The following AK8 variants were observed in gnomAD, a reference collection of about 807,000 sequenced individuals.
The protein encoded by AK8 is ATP-AMP transphosphorylase 8.
In AK8, 44 loss-of-function variants were observed where a neutral mutation model predicts 54.6. The observed-to-expected ratio is 0.81, with a 90% CI of 0.63 to 1.04. The LOEUF is 1.04. Among genes scored for constraint, AK8 ranks in the 50% least tolerant of loss-of-function variants. The pLI is 0.00. For missense variants in AK8, 555 were observed against 613.6 expected (o/e 0.90, Z 1.01); for synonymous variants, 239 against 245.6 (o/e 0.97, Z 0.25).
At chr9:132,847,645 G>T (rs903113337) in intron 5 of AK8, among the ~76,000 whole-genome samples, 2 of 152,126 alleles carry the variant, frequency 1.3e-5, no homozygotes, top group East Asian at 3.8e-4. Flanking sequence ...CAAATTTGAT[G>T]AGTAGCTATC....
chr9:132,747,471 G>A (rs1329600966), intron 11 of AK8, among the ~76,000 whole-genome samples: 7 of 139,352 alleles, frequency 5.0e-5, no homozygotes, highest in Admixed American at 7.2e-5. Context: ...TTTCTGAGAT[G>A]GAGTCTGGTT....
rs529730405 is a variant in AK8 at position 132,792,787 on chromosome 9, G to C, written c.980-12C>G. On this transcript the variant is annotated splice_polypyrimidine_tract_variant and intron_variant, in intron 10 of 12. Transcript: ENST00000298545. ...GAGGCTGTCAGGAACTGCAGAGAAGGGGGGCAAGTGAGTACCCTGCTGGCC... is the reference window on the plus strand; with the variant it reads ...GAGGCTGTCAGGAACTGCAGAGAAGCGGGGCAAGTGAGTACCCTGCTGGCC... 54 of 1,554,942 alleles carry C rather than the reference G, an allele frequency of 3.5e-5. No homozygotes were observed. Among genetic ancestry groups the C allele is most frequent in the Middle Eastern group, 1.8e-4 (1 of 5,504 alleles).
intron 11 of AK8, among the ~76,000 whole-genome samples, chr9:132,734,792 G>A (rs898381500): frequency 6.6e-6 from 1 of 152,110 alleles, no homozygotes; most frequent in Non-Finnish European, 1.5e-5. Flanking sequence ...TAGTTTGGCA[G>A]GCTGAGATGG....
At chr9:132,821,481 T>C (rs1841606339) in intron 9 of AK8, among the ~76,000 whole-genome samples, 1 of 152,200 alleles carries the variant, frequency 6.6e-6, no homozygotes, top group Admixed American at 6.5e-5. Flanking sequence ...GAACATTTTT[T>C]ATTCTAAATG....
intron 10 of AK8, among the ~76,000 whole-genome samples, chr9:132,814,278 CAAAAAAAAAAA>C (rs71376658): frequency 0.47 from 30,333 of 63,882 alleles, 4,738 homozygotes; most frequent in East Asian, 0.71. Context: ...TACCCTGTCT[CAAAAAAAAAAA>C]AAAAAAAAAA....
chr9:132,776,656 C>T (rs1371421790), intron 11 of AK8, among the ~76,000 whole-genome samples: 1 of 152,212 alleles, frequency 6.6e-6, no homozygotes, highest in African/African-American at 2.4e-5. Flanking sequence ...AGGACCTTTG[C>T]TTGAGCTTTA....
intron 11 of AK8, among the ~76,000 whole-genome samples, chr9:132,743,365 G>C (rs1179029773): frequency 6.6e-6 from 1 of 152,244 alleles, no homozygotes; most frequent in Non-Finnish European, 1.5e-5. Context: ...CAGGGCAGTG[G>C]AGACACGGGT....
chr9:132,834,649 C>A (rs1229141160), intron 5 of AK8, among the ~76,000 whole-genome samples: 4 of 152,122 alleles, frequency 2.6e-5, no homozygotes, highest in African/African-American at 9.7e-5. Context: ...TTCTGGGCAG[C>A]CTAACAGTGA....
chr9:132,795,207 C>T (rs977642346), intron 10 of AK8, among the ~76,000 whole-genome samples: 1 of 152,216 alleles, frequency 6.6e-6, no homozygotes, highest in Non-Finnish European at 1.5e-5. Flanking sequence ...CCTCCTCCTC[C>T]TCTCCCCAGA....
At chr9:132,785,295 G>A (rs1271743827) in intron 11 of AK8, among the ~76,000 whole-genome samples, 1 of 151,970 alleles carries the variant, frequency 6.6e-6, no homozygotes, top group East Asian at 1.9e-4. Flanking sequence ...GTAGAGACAG[G>A]GTTCCACCAT....
chr9:132,750,649 C>T (rs543715402), intron 11 of AK8, among the ~76,000 whole-genome samples: 1 of 152,096 alleles, frequency 6.6e-6, no homozygotes, highest in South Asian at 2.1e-4. Context: ...GGTTCAGATT[C>T]TAGCGCTTCA....
chr9:132,846,543 GAATGAAT>G (rs1308837079), intron 5 of AK8, among the ~76,000 whole-genome samples: 107 of 108,336 alleles, frequency 9.9e-4, no homozygotes, highest in Non-Finnish European at 7.3e-4. Context: ...ATGAATGAAT[GAATGAAT>G]GAGTACTTTT....
intron 3 of AK8, among the ~76,000 whole-genome samples, chr9:132,865,429 C>T (rs535788527): frequency 3.3e-5 from 5 of 152,322 alleles, no homozygotes; most frequent in African/African-American, 1.2e-4. Flanking sequence ...GATGTGGTCA[C>T]AGAGGAAGGG....
intron 2 of AK8, among the ~76,000 whole-genome samples, chr9:132,872,846 C>G (rs555522872): frequency 6.6e-6 from 1 of 152,350 alleles, no homozygotes; most frequent in South Asian, 2.1e-4. Flanking sequence ...GAGTCTCGCT[C>G]TTTCGCCCAG....
intron 10 of AK8, among the ~76,000 whole-genome samples, chr9:132,793,962 A>G (rs1302277817): frequency 6.6e-6 from 1 of 152,054 alleles, no homozygotes; most frequent in East Asian, 1.9e-4. Flanking sequence ...CACATTTGAA[A>G]CCTTCCACAG....
At position 132,837,319 on chromosome 9, in the gene AK8, GAAA is replaced by G. The variant is rs749147088; in HGVS notation, c.403-8596_403-8594del. 7.8e-5 allele frequency among the ~76,000 whole-genome samples: 7 copies of G among 89,646 alleles called. No individual in the cohort carries two copies. The highest frequency in any genetic ancestry group is 3.4e-4 in the East Asian group (1 of 2,938). 58.8% of individuals were successfully genotyped at this position (89,646 alleles called of 152,430 possible). On this transcript the variant is annotated intron_variant, in intron 5 of 12. Transcript: ENST00000298545. The surrounding 1 kb of genome is among the most constrained non-coding windows in gnomAD (Gnocchi z 4.3). ...GGGTGACAGAGCAAGACTCCATCTC[GAAA>G]AAAAAAAAAAAAAAAAGAATGAAAG...
chr9:132,850,358 C>G (rs1157999801), intron 5 of AK8, among the ~76,000 whole-genome samples: 2 of 147,792 alleles, frequency 1.4e-5, no homozygotes, highest in African/African-American at 5.0e-5. Flanking sequence ...TCCCAAAGTG[C>G]TGGGATTACA....
At chr9:132,782,163 A>G (rs1400718332) in intron 11 of AK8, among the ~76,000 whole-genome samples, 1 of 152,024 alleles carries the variant, frequency 6.6e-6, no homozygotes, top group African/African-American at 2.4e-5. Flanking sequence ...GCCCTAAATC[A>G]AATCGGTTCT....
rs901880722 is a variant in AK8, at chr9:132,802,649, T to C, written c.980-9874A>G. ...GGGCATGGCGATGAAGAATCCGTCT[T>C]GGACACACTATCCCTGCAGATGCAA... On this transcript the variant is annotated intron_variant, in intron 10 of 12. Coordinates refer to ENST00000298545, the MANE Select transcript of AK8 (RefSeq NM_152572.3). Among the ~76,000 whole-genome samples, 4 of 152,174 alleles carry C rather than the reference T, an allele frequency of 2.6e-5. No homozygotes were observed. In the East Asian group the frequency reaches 7.7e-4, roughly 29 times the overall value.
Sources: gnomAD v4.1 joint callset for allele counts (sites outside exome capture counted in the v4.1 genomes callset) on GRCh38, gnomAD v4.1.1 for gene constraint, Gnocchi (gnomAD v3.1) non-coding constraint, MANE v1.5 for transcripts, NCBI Gene and HGNC (gene_info 2026-07-23, HGNC 2026-07-21) for gene names.